The following GGA1 variants were observed in gnomAD, a reference collection of about 807,000 sequenced individuals.
GGA1 encodes the protein ADP-ribosylation factor-binding protein GGA1.
A neutral mutation model predicts 76.9 loss-of-function variants in GGA1; 18 were observed. The ratio of observed to expected loss-of-function variants is 0.23; its 90% confidence interval spans 0.16 to 0.35. The LOEUF (loss-of-function observed/expected upper bound fraction) is 0.35. GGA1 is among the 10% of genes least tolerant of loss of function. The pLI is 1.00. For missense variants in GGA1, 755 were observed against 859.0 expected, an observed-to-expected ratio of 0.88 and a Z score of 1.51; for synonymous variants, 342 against 354.7, an observed-to-expected ratio of 0.96 and a Z score of 0.40.
chr22:37,609,421 C>T (rs935660653), intron 1 of GGA1: 4 of 699,140 alleles, frequency 5.7e-6, no homozygotes, highest in Admixed American at 1.2e-4. Context: ...CATTTGATTC[C>T]TCCCGCCGCT....
At chr22:37,615,112 A>G (rs1264601644) in intron 2 of GGA1, among the ~76,000 whole-genome samples, 1 of 152,042 alleles carries the variant, frequency 6.6e-6, no homozygotes, top group East Asian at 1.9e-4. Context: ...TAGCCTGGGC[A>G]ACATAGCGGG....
rs1006540283 is a variant in GGA1, at chr22:37,632,880, C to T, written c.*169C>T. 3.2e-5 allele frequency: 19 copies of T among 597,018 alleles called. No individual in the cohort carries two copies. Among genetic ancestry groups the T allele is most frequent in the East Asian group, 8.3e-5 (3 of 36,010 alleles). The allele number at this position is 597,018 out of a possible 1,614,324, so 37.0% of individuals were successfully genotyped here. A position where few individuals can be genotyped will look rare whatever the true frequency, so the allele number is the denominator to read the frequency against. ...TCAAGTGACTCTTCCCCCTCCTGCT[C>T]CGGCCCCGCCCCTGCTGAGCCAAAC... On this transcript the variant is annotated 3_prime_UTR_variant, in exon 17 of 17. Coordinates refer to ENST00000343632, the MANE Select transcript of GGA1 (RefSeq NM_013365.5). This position sits in a 1 kb window ranked among gnomAD's most constrained non-coding sequence, Gnocchi z 5.1.
At chr22:37,620,436 C>T (rs943524061) in intron 5 of GGA1, 75 bp downstream of exon 5, 34 of 1,514,474 alleles carry the variant, frequency 2.2e-5, no homozygotes, top group Admixed American at 1.2e-4. Flanking sequence ...GCTCCAGCGG[C>T]TTCAGGGGCT....
chr22:37,621,522 C>T, intron 6 of GGA1, 94 bp from the exon 7 acceptor site: 1 of 754,684 alleles, frequency 1.3e-6, no homozygotes, highest in Non-Finnish European at 2.3e-6. Flanking sequence ...ACTCAGGTCC[C>T]ACAGGCAGGA....
chr22:37,622,883 A>T (rs1930151397), intron 7 of GGA1, among the ~76,000 whole-genome samples: 1 of 152,352 alleles, frequency 6.6e-6, no homozygotes, highest in East Asian at 1.9e-4. Flanking sequence ...CCAGGCACCG[A>T]CAGACACTGG....
In GGA1 at chr22:37,623,151, G is replaced by A. The variant is rs1930189176; in HGVS notation, c.610-176G>A. Reference sequence around the variant, plus strand: ...CACTGGGGGCTTCTTGGACCAGCGTGCCCTTCCTAGGCATGAGGGGCTCCT... The same window carrying A: ...CACTGGGGGCTTCTTGGACCAGCGTACCCTTCCTAGGCATGAGGGGCTCCT... On this transcript the variant is annotated intron_variant, in intron 7 of 16. Transcript: ENST00000343632. This position sits in a 1 kb window ranked among gnomAD's most constrained non-coding sequence, Gnocchi z 4.6. Among the ~76,000 whole-genome samples the A allele has an allele frequency of 6.6e-6, 1 of 152,182 alleles. No homozygotes were observed. Among genetic ancestry groups the A allele is most frequent in the East Asian group, 1.9e-4 (1 of 5,176 alleles).
At position 37,632,798 on chromosome 22, in the gene GGA1, G is replaced by T. The variant is rs1932057589; in HGVS notation, c.*87G>T. The T allele has an allele frequency of 1.3e-6, 1 of 790,706 alleles. No individual in the cohort carries two copies. Among genetic ancestry groups the T allele is most frequent in the Middle Eastern group, 2.7e-4 (1 of 3,678 alleles). 49.0% of individuals were successfully genotyped at this position (790,706 alleles called of 1,614,324 possible). A position where few individuals can be genotyped will look rare whatever the true frequency, so the allele number is the denominator to read the frequency against. ...GCATTGGTGGCCAAGGACACCCTTT[G>T]TTGCCCATGGCCATTCACCCCCAGG... On this transcript the variant is annotated 3_prime_UTR_variant, in exon 17 of 17. Transcript: ENST00000343632. The surrounding 1 kb of genome is among the most constrained non-coding windows in gnomAD (Gnocchi z 5.1).
At position 37,618,474 on chromosome 22, in the gene GGA1, C is replaced by T. The variant is rs777511682; in HGVS notation, c.231C>T (p.Cys77=). 11 of 1,612,424 alleles carry T rather than the reference C, an allele frequency of 6.8e-6. No homozygotes were observed. In the East Asian group the frequency reaches 1.1e-4, roughly 16 times the overall value. ...LTVLETCMKS[C]GKRFHDEVGK... is the part of the protein sequence containing the mutation. ...TGCTGGAAACATGCATGAAGAGCTG[C>T]GGCAAGCGGTTCCACGACGAAGTGG... is the stretch of plus-strand genomic sequence containing the variant. Residue 77 remains cysteine (C), a synonymous_variant, in exon 4 of 17, where the codon TGC becomes TGT. Transcript: ENST00000343632.
At position 37,617,693 on chromosome 22, in the gene GGA1, C is replaced by T. The variant is rs967428902; in HGVS notation, c.204+696C>T. ...CAGACTGGACAACAGAGTGAGACCC[C>T]ATCTCTAAATAATAATCATTATTGT... is the stretch of plus-strand genomic sequence containing the variant. On this transcript the variant is annotated intron_variant, in intron 3 of 16. Transcript: ENST00000343632. 4 of 641,116 alleles carry T rather than the reference C, an allele frequency of 6.2e-6. No homozygotes were observed. In the African/African-American group the frequency reaches 8.0e-5, roughly 13 times the overall value. The allele number at this position is 641,116 out of a possible 1,614,324, so 39.7% of individuals were successfully genotyped here.
In GGA1 at chr22:37,625,834, T is replaced by G; in HGVS notation, c.978T>G (p.Asp326Glu). Residue 326 changes from aspartate to glutamate, a missense_variant, in exon 11 of 17, where the codon GAT becomes GAG. By Grantham distance (45) the Asp-to-Glu change is conservative. Coordinates refer to ENST00000343632, the MANE Select transcript of GGA1 (RefSeq NM_013365.5). The surrounding 1 kb of genome is among the most constrained non-coding windows in gnomAD (Gnocchi z 4.1). ...CCCTGCTGGATCTCTCAGGCCTGGA[T>G]CTCCCGCCTGCGGGCACCACCTACC... ...TSALLDLSGL[D>E]LPPAGTTYPA... The G allele has an allele frequency of 6.2e-7, 1 of 1,609,914 alleles. No individual in the cohort carries two copies. The highest frequency in any genetic ancestry group is 8.5e-7 in the Non-Finnish European group (1 of 1,177,462).
At chr22:37,620,509 C>A in intron 5 of GGA1, 148 bp downstream of exon 5, 1 of 826,720 alleles carries the variant, frequency 1.2e-6, no homozygotes, top group Non-Finnish European at 1.9e-6. Flanking sequence ...ACAGCTAGTG[C>A]GGCCTTCTGT....
In GGA1 at chr22:37,623,894, C is replaced by G; in HGVS notation, c.832+261C>G. The G allele has an allele frequency of 4.3e-6, 2 of 461,624 alleles. No individual in the cohort carries two copies. Among genetic ancestry groups the G allele is most frequent in the Non-Finnish European group, 8.0e-6 (2 of 250,356 alleles). The allele number at this position is 461,624 out of a possible 1,614,324, so 28.6% of individuals were successfully genotyped here. ...GCTGCACAGGAGGCAGACCCATCCC[C>G]TTTTCACAACTGGGGCTAAGGGAGG... On this transcript the variant is annotated intron_variant, in intron 9 of 16. Transcript: ENST00000343632. This position sits in a 1 kb window ranked among gnomAD's most constrained non-coding sequence, Gnocchi z 4.6.
chr22:37,631,821 C>T lies in GGA1; in HGVS notation c.1529-175C>T, dbSNP rs541454212. Reference sequence around the variant, plus strand: ...GGGTTCACCTGCCCTCTCTGGGCACCGCTCTGTGCCCCTGCCTGCACTGCC... The same window carrying T: ...GGGTTCACCTGCCCTCTCTGGGCACTGCTCTGTGCCCCTGCCTGCACTGCC... On this transcript the variant is annotated intron_variant, in intron 14 of 16. Coordinates refer to ENST00000343632, the MANE Select transcript of GGA1 (RefSeq NM_013365.5). Among the ~76,000 whole-genome samples the T allele has an allele frequency of 6.6e-5, 10 of 152,288 alleles. No individual in the cohort carries two copies. In the East Asian group the frequency reaches 1.5e-3, roughly 24 times the overall value.
Position 37,625,015 on chromosome 22 carries a change from G to C in GGA1, c.879G>C (p.Leu293=). The change falls in exon 10 of 17, where the codon CTG becomes CTC. Residue 293 remains leucine (L), a synonymous_variant. Coordinates refer to ENST00000343632, the MANE Select transcript of GGA1 (RefSeq NM_013365.5). The surrounding 1 kb of genome is among the most constrained non-coding windows in gnomAD (Gnocchi z 4.1). The part of the protein sequence containing the change: ...ANDNLTQVIN[L]YKQLVRGEEV... ...ACAACCTCACCCAGGTGATCAACCT[G>C]TATAAGCAGCTGGTGCGGGGTGAGG... 6.2e-7 allele frequency: 1 copy of C among 1,602,360 alleles called. No individual in the cohort carries two copies. Among genetic ancestry groups the C allele is most frequent in the Non-Finnish European group, 8.5e-7 (1 of 1,175,180 alleles).
At position 37,629,981 on chromosome 22, in the gene GGA1, C is replaced by A; in HGVS notation, c.1159-17C>A. On this transcript the variant is annotated splice_polypyrimidine_tract_variant and intron_variant, in intron 12 of 16. Transcript: ENST00000343632. ...TCTCTAGACAGCCCCACCCCACCTG[C>A]ATCCTTTTCCCCACAGTCGTCGGAT... is the stretch of plus-strand genomic sequence containing the variant. 2 of 1,528,140 alleles carry A rather than the reference C, an allele frequency of 1.3e-6. No homozygotes were observed. Among genetic ancestry groups the A allele is most frequent in the South Asian group, 2.5e-5 (2 of 80,154 alleles). 94.7% of individuals were successfully genotyped at this position (1,528,140 alleles called of 1,614,324 possible).
intron 2 of GGA1, among the ~76,000 whole-genome samples, chr22:37,615,341 C>T (rs994196240): frequency 2.0e-5 from 3 of 151,930 alleles, no homozygotes; most frequent in African/African-American, 4.8e-5. Context: ...CCCAGCTACT[C>T]GGGAGGCTGA....
At position 37,625,790 on chromosome 22, in the gene GGA1, ACC is replaced by A. The variant is rs1257019135; in HGVS notation, c.941-4_941-3del. 1.9e-6 allele frequency: 3 copies of A among 1,542,340 alleles called. No individual in the cohort carries two copies. The highest frequency in any genetic ancestry group is 1.8e-6 in the Non-Finnish European group (2 of 1,137,666). Reference sequence around the variant, plus strand: ...AGGACTTGCCAGCCTCTTCTTTCCCACCCCAGGGAGCACCTCGGCCCTGCTGG... The same window carrying A: ...AGGACTTGCCAGCCTCTTCTTTCCCACCAGGGAGCACCTCGGCCCTGCTGG... On this transcript the variant is annotated splice_polypyrimidine_tract_variant and splice_region_variant and intron_variant, in intron 10 of 16. Coordinates refer to ENST00000343632, the MANE Select transcript of GGA1 (RefSeq NM_013365.5). The surrounding 1 kb of genome is among the most constrained non-coding windows in gnomAD (Gnocchi z 4.1).
In GGA1 at chr22:37,632,714, C is replaced by G; in HGVS notation, c.*3C>G. On this transcript the variant is annotated 3_prime_UTR_variant, in exon 17 of 17. Coordinates refer to ENST00000343632, the MANE Select transcript of GGA1 (RefSeq NM_013365.5). This position sits in a 1 kb window ranked among gnomAD's most constrained non-coding sequence, Gnocchi z 5.1. ...CTGAAACCTGGGGTAGCCTCTAGAA[C>G]AGAGGGGCTGGGGAGAGGAAGGGGC... is the stretch of plus-strand genomic sequence containing the variant. 6.5e-7 allele frequency: 1 copy of G among 1,537,986 alleles called. No homozygotes were observed. Among genetic ancestry groups the G allele is most frequent in the Non-Finnish European group, 8.9e-7 (1 of 1,118,274 alleles).
At position 37,620,258 on chromosome 22, in the gene GGA1, G is replaced by A. The variant is rs556098927; in HGVS notation, c.324G>A (p.Ser108=). The change falls in exon 5 of 17, where the codon TCG becomes TCA. Residue 108 remains serine, a synonymous_variant. Transcript: ENST00000343632. The stretch of plus-strand genomic sequence containing the variant: ...TGAAGTATCTGGGCTCTCGGACATC[G>A]GAGAAGGTGAAGAACAAGATCTTGG... The part of the protein sequence containing the change: ...VSPKYLGSRT[S]EKVKNKILEL... 1.9e-5 allele frequency: 31 copies of A among 1,613,962 alleles called. 1 individual carries two copies. Among genetic ancestry groups the A allele is most frequent in the African/African-American group, 1.3e-4 (10 of 75,014 alleles).
Sources: gnomAD v4.1 joint callset for allele counts (sites outside exome capture counted in the v4.1 genomes callset) on GRCh38, gnomAD v4.1.1 for gene constraint, Gnocchi (gnomAD v3.1) non-coding constraint, MANE v1.5 for transcripts, NCBI Gene and HGNC (gene_info 2026-07-23, HGNC 2026-07-21) for gene names.